The following TENM3 variants were observed in gnomAD, a reference collection of about 807,000 sequenced individuals.
TENM3 encodes the protein teneurin transmembrane protein 3, also known as teneurin-3.
TENM3 carries 63 observed loss-of-function variants against 255.1 expected under a neutral mutation model. The observed-to-expected ratio is 0.25, with a 90% CI of 0.20 to 0.30. The LOEUF is 0.30. TENM3 is among the 10% of genes least tolerant of loss of function. The probability of loss-of-function intolerance (pLI) is 1.00; values close to 1 mark genes in which losing one functional copy is unlikely to be tolerated. For missense variants in TENM3, 2,929 were observed against 3,461.1 expected (o/e 0.85, Z 3.86); for synonymous variants, 1,306 against 1,322.3 (o/e 0.99, Z 0.27).
intron 12 of TENM3, among the ~76,000 whole-genome samples, chr4:182,703,256 A>T (rs1320056721): frequency 6.6e-6 from 1 of 152,240 alleles, no homozygotes; most frequent in Non-Finnish European, 1.5e-5. Flanking sequence ...ACACTTTTTT[A>T]TCCAGGAAAT....
chr4:181,653,658 C>T, the TENM3 span, among the ~76,000 whole-genome samples: 302 of 150,918 alleles, frequency 2.0e-3, 2 homozygotes, highest in African/African-American at 7.0e-3. Context: ...CTTGGCCTCC[C>T]AAAGTGTTAG....
intron 3 of TENM3, among the ~76,000 whole-genome samples, chr4:182,431,218 C>G (rs1206548708): frequency 6.6e-6 from 1 of 151,192 alleles, no homozygotes; most frequent in Non-Finnish European, 1.5e-5. Context: ...GGGATGAGGC[C>G]GGGCGTGGGG....
At chr4:182,431,581 C>G (rs971740269) in intron 3 of TENM3, among the ~76,000 whole-genome samples, 2 of 152,100 alleles carry the variant, frequency 1.3e-5, no homozygotes, top group Non-Finnish European at 2.9e-5. Flanking sequence ...ATGGATTTTA[C>G]GTAGGACTTG....
At chr4:181,658,582 A>C in the TENM3 span, among the ~76,000 whole-genome samples, 2 of 152,174 alleles carry the variant, frequency 1.3e-5, no homozygotes, top group South Asian at 4.1e-4. Context: ...CTGCATACAA[A>C]TCCTGTTCTA....
chr4:181,462,239 G>A, the TENM3 span, among the ~76,000 whole-genome samples: 1 of 152,168 alleles, frequency 6.6e-6, no homozygotes. Flanking sequence ...ATTTCCAGTA[G>A]TAGTAGTTAG....
chr4:182,584,975 C>T (rs1165687727), intron 3 of TENM3, among the ~76,000 whole-genome samples: 4 of 152,048 alleles, frequency 2.6e-5, no homozygotes, highest in African/African-American at 9.7e-5. Flanking sequence ...GAAATGAAAA[C>T]AGAATGCTTG....
chr4:182,585,572 G>T (rs578207425), intron 3 of TENM3, among the ~76,000 whole-genome samples: 1 of 152,260 alleles, frequency 6.6e-6, no homozygotes, highest in East Asian at 1.9e-4. Flanking sequence ...GCCAGGAAGA[G>T]AACTGTCACC....
chr4:182,379,143 CG>C (rs1038635141), intron 3 of TENM3, among the ~76,000 whole-genome samples: 17 of 152,070 alleles, frequency 1.1e-4, no homozygotes, highest in African/African-American at 3.6e-4. Flanking sequence ...TTTGGGAGGC[CG>C]GGGCGGGCGG....
At chr4:182,137,919 C>T in the TENM3 span, among the ~76,000 whole-genome samples, 1 of 152,174 alleles carries the variant, frequency 6.6e-6, no homozygotes, top group Non-Finnish European at 1.5e-5. Context: ...TCTTAACCTT[C>T]AGTGGTTGCT....
chr4:182,569,879 A>C (rs1443125333), intron 3 of TENM3, among the ~76,000 whole-genome samples: 1 of 151,164 alleles, frequency 6.6e-6, no homozygotes, highest in Non-Finnish European at 1.5e-5. Flanking sequence ...GCCTCGGAAA[A>C]GGTGAGGTTT....
At chr4:182,392,904 TGAA>T (rs1223902343) in intron 3 of TENM3, among the ~76,000 whole-genome samples, 1 of 152,126 alleles carries the variant, frequency 6.6e-6, no homozygotes, top group Non-Finnish European at 1.5e-5. Context: ...GGTGCAAAAT[TGAA>T]GAGATAAGAA....
chr4:182,675,410 G>T (rs183429647), intron 7 of TENM3, among the ~76,000 whole-genome samples: 1 of 151,838 alleles, frequency 6.6e-6, no homozygotes, highest in Non-Finnish European at 1.5e-5. Flanking sequence ...ACGTGGTAGC[G>T]CACACCTGTA....
the TENM3 span, among the ~76,000 whole-genome samples, chr4:181,474,324 T>G: frequency 6.6e-6 from 1 of 152,094 alleles, no homozygotes; most frequent in Non-Finnish European, 1.5e-5. Flanking sequence ...GATAAAAAAT[T>G]TTTTTTAAAG....
chr4:181,713,492 C>T, the TENM3 span, among the ~76,000 whole-genome samples: 1 of 152,122 alleles, frequency 6.6e-6, no homozygotes, highest in East Asian at 1.9e-4. Context: ...GAAGCCTTTA[C>T]CTTGGTTGAG....
chr4:182,603,765 TTA>T lies in TENM3; in HGVS notation c.749+2623_749+2624del, dbSNP rs760690038. Among the ~76,000 whole-genome samples the T allele has an allele frequency of 2.1e-3, 201 of 95,394 alleles. 6 individuals are homozygous for T. Among genetic ancestry groups the T allele is most frequent in the African/African-American group, 2.9e-3 (102 of 34,648 alleles). The allele number at this position is 95,394 out of a possible 152,430, so 62.6% of individuals were successfully genotyped here. ...GTATTGTTTCATCTTTGGCAATTAT[TTA>T]TATATATATATATATATACACACAC... is the stretch of plus-strand genomic sequence containing the variant. On this transcript the variant is annotated intron_variant, in intron 4 of 27. Transcript: ENST00000511685.
chr4:181,784,592 C>T, the TENM3 span, among the ~76,000 whole-genome samples: 1 of 152,056 alleles, frequency 6.6e-6, no homozygotes, highest in Non-Finnish European at 1.5e-5. Flanking sequence ...AAATTATTCT[C>T]CCCTGTGAAT....
chr4:182,722,082 T>G (rs1561158795), intron 13 of TENM3, among the ~76,000 whole-genome samples: 1 of 152,228 alleles, frequency 6.6e-6, no homozygotes, highest in South Asian at 2.1e-4. Flanking sequence ...TTTATCTTTT[T>G]AGTCGTGACT....
At chr4:181,600,461 A>G in the TENM3 span, among the ~76,000 whole-genome samples, 1 of 152,088 alleles carries the variant, frequency 6.6e-6, no homozygotes, top group African/African-American at 2.4e-5. Context: ...AGAAGACTGG[A>G]CCCTCCTGAA....
At chr4:182,330,754 A>G (rs1050812465) in intron 2 of TENM3, among the ~76,000 whole-genome samples, 11 of 152,220 alleles carry the variant, frequency 7.2e-5, no homozygotes, top group Admixed American at 3.9e-4. Context: ...TGAGAAAGCA[A>G]CTCTACAGTG....
Sources: allele counts gnomAD v4.1 joint callset (sites outside exome capture counted in the v4.1 genomes callset), GRCh38; gene constraint gnomAD v4.1.1; transcripts MANE v1.5; gene names NCBI Gene and HGNC (gene_info 2026-07-23, HGNC 2026-07-21).